Variants in SYT1 observed in about 807,000 individuals in gnomAD.
SYT1 encodes the protein synaptotagmin 1, also known as synaptotagmin-1.
In SYT1, 8 loss-of-function variants were observed where a neutral mutation model predicts 44.8. The observed-to-expected ratio is 0.18, with a 90% CI of 0.10 to 0.32. SYT1 has a LOEUF of 0.32. SYT1 is among the 10% of genes least tolerant of loss of function. The pLI is 1.00. For synonymous variants in SYT1, 154 were observed against 188.8 expected (o/e 0.82, Z 1.51); for missense variants, 286 against 509.3 (o/e 0.56, Z 4.22).
chr12:78,941,460 G>C (rs1052089395), intron 1 of SYT1, among the ~76,000 whole-genome samples: 2 of 151,122 alleles, frequency 1.3e-5, no homozygotes, highest in African/African-American at 4.9e-5. Flanking sequence ...AGAAGAAAAA[G>C]ATGGATCATT....
chr12:78,967,507 G>A (rs1868275392), intron 1 of SYT1, among the ~76,000 whole-genome samples: 2 of 152,198 alleles, frequency 1.3e-5, no homozygotes, highest in South Asian at 2.1e-4. Flanking sequence ...AATAGTATGT[G>A]ACAATTAGAT....
intron 8 of SYT1, among the ~76,000 whole-genome samples, chr12:79,311,046 A>G: frequency 6.6e-6 from 1 of 152,250 alleles, no homozygotes. Flanking sequence ...GACTTCCAAC[A>G]GTATATTGAA....
intron 1 of SYT1, among the ~76,000 whole-genome samples, chr12:78,910,167 A>G (rs1465834271): frequency 6.6e-6 from 1 of 151,976 alleles, no homozygotes; most frequent in Non-Finnish European, 1.5e-5. Context: ...AAGCTTCCTA[A>G]GGAAGGGCAG....
intron 9 of SYT1, among the ~76,000 whole-genome samples, chr12:79,365,928 C>T (rs1019042545): frequency 6.6e-6 from 1 of 150,922 alleles, no homozygotes; most frequent in Non-Finnish European, 1.5e-5. Flanking sequence ...AACACTCAAT[C>T]CAGCAGCATT....
At chr12:79,427,376 G>A (rs73356716) in intron 9 of SYT1, among the ~76,000 whole-genome samples, 2,238 of 152,176 alleles carry the variant, frequency 0.015, 45 homozygotes, top group African/African-American at 0.045. Context: ...AAGGTTTAGC[G>A]CCCTCACTCC....
chr12:79,186,782 A>T (rs1290351954), intron 3 of SYT1, among the ~76,000 whole-genome samples: 1 of 151,922 alleles, frequency 6.6e-6, no homozygotes, highest in Non-Finnish European at 1.5e-5. Flanking sequence ...CCTAAGATTT[A>T]TTTTCCTTGC....
intron 3 of SYT1, among the ~76,000 whole-genome samples, chr12:79,197,994 A>T (rs1873563766): frequency 6.6e-6 from 1 of 152,134 alleles, no homozygotes; most frequent in Admixed American, 6.5e-5. Flanking sequence ...TAATAGAGAA[A>T]ATTAATTCTA....
intron 1 of SYT1, among the ~76,000 whole-genome samples, chr12:78,873,042 A>C (rs2137038206): frequency 6.6e-6 from 1 of 151,844 alleles, no homozygotes; most frequent in South Asian, 2.1e-4. Context: ...AATGGTAACA[A>C]GTTACTGTGT....
At chr12:78,963,167 A>G (rs1490655634) in intron 1 of SYT1, among the ~76,000 whole-genome samples, 1 of 152,098 alleles carries the variant, frequency 6.6e-6, no homozygotes, top group African/African-American at 2.4e-5. Flanking sequence ...AATAATATTC[A>G]ATCGCATATA....
intron 3 of SYT1, among the ~76,000 whole-genome samples, chr12:79,064,423 G>A (rs1043372869): frequency 3.3e-5 from 5 of 152,088 alleles, no homozygotes; most frequent in African/African-American, 1.2e-4. Context: ...TGGAGATGGG[G>A]TAGATAGTTT....
At chr12:79,136,103 T>A (rs1442951610) in intron 3 of SYT1, among the ~76,000 whole-genome samples, 1 of 152,182 alleles carries the variant, frequency 6.6e-6, no homozygotes, top group Non-Finnish European at 1.5e-5. Flanking sequence ...TTAGAATAAA[T>A]CGTGGATTTT....
intron 2 of SYT1, among the ~76,000 whole-genome samples, chr12:78,982,490 C>A (rs962033454): frequency 2.6e-5 from 4 of 152,120 alleles, no homozygotes; most frequent in Non-Finnish European, 4.4e-5. Flanking sequence ...TCAAGCACCC[C>A]TCCTTTCCGT....
chr12:79,079,888 C>T (rs1876912170), intron 3 of SYT1, among the ~76,000 whole-genome samples: 1 of 151,964 alleles, frequency 6.6e-6, no homozygotes, highest in African/African-American at 2.4e-5. Flanking sequence ...TGTGCTGACT[C>T]AAGGATAATA....
intron 3 of SYT1, among the ~76,000 whole-genome samples, chr12:79,075,049 A>T (rs1186858599): frequency 6.6e-6 from 1 of 152,182 alleles, no homozygotes; most frequent in Non-Finnish European, 1.5e-5. Context: ...TACCATACAC[A>T]TATTGTATAA....
chr12:79,175,217 T>C (rs941124017), intron 3 of SYT1, among the ~76,000 whole-genome samples: 5 of 152,156 alleles, frequency 3.3e-5, no homozygotes, highest in Middle Eastern at 6.8e-3. Flanking sequence ...AGAAACACAA[T>C]GGAAAATAAC....
intron 5 of SYT1, among the ~76,000 whole-genome samples, chr12:79,290,876 C>T (rs2138846981): frequency 1.3e-5 from 2 of 152,100 alleles, no homozygotes; most frequent in East Asian, 3.9e-4. Flanking sequence ...AGAAAAAATA[C>T]AAATGGTTAA....
rs1158337281 is a variant in SYT1 at position 79,206,416 on chromosome 12, AT to A, written c.-17-11086del. Among the ~76,000 whole-genome samples, 4 of 152,344 alleles carry A rather than the reference AT, an allele frequency of 2.6e-5. No individual in the cohort carries two copies. In the East Asian group the frequency reaches 7.7e-4, roughly 29 times the overall value. On this transcript the variant is annotated intron_variant, in intron 3 of 10. Transcript: ENST00000261205. Reference sequence around the variant, plus strand: ...TTTGTTGACTGGAACATCAGCAGGAATAATAACTGTGTTGAGCGTACGTTGA... The same window carrying A: ...TTTGTTGACTGGAACATCAGCAGGAAAATAACTGTGTTGAGCGTACGTTGA...
chr12:79,032,720 T>G (rs1872901098), intron 2 of SYT1, among the ~76,000 whole-genome samples: 1 of 151,366 alleles, frequency 6.6e-6, no homozygotes, highest in African/African-American at 2.4e-5. Context: ...GTGAATTATT[T>G]TATGATTATT....
intron 8 of SYT1, among the ~76,000 whole-genome samples, chr12:79,343,107 G>A (rs963223512): frequency 1.3e-5 from 2 of 152,112 alleles, no homozygotes; most frequent in African/African-American, 4.8e-5. Context: ...GGAAAGAAAG[G>A]GAGTCAATAA....
Sources: allele counts gnomAD v4.1 joint callset (sites outside exome capture counted in the v4.1 genomes callset), GRCh38; gene constraint gnomAD v4.1.1; transcripts MANE v1.5; gene names NCBI Gene and HGNC (gene_info 2026-07-23, HGNC 2026-07-21).